Variants in NOP58 observed in about 807,000 individuals in gnomAD.
NOP58 encodes the protein NOP58 ribonucleoprotein.
Under a neutral mutation model 71.2 loss-of-function variants are expected in NOP58, and 44 were observed. That is an observed-to-expected ratio of 0.62 (90% confidence interval 0.49 to 0.79). The LOEUF is 0.79. Ranked by LOEUF, NOP58 falls within the 30% of genes least tolerant of loss-of-function variation. The pLI is 0.00. For missense variants in NOP58, 538 were observed against 620.2 expected (o/e 0.87, Z 1.41); for synonymous variants, 228 against 200.3 (o/e 1.14, Z -1.17).
intron 5 of NOP58, among the ~76,000 whole-genome samples, chr2:202,285,807 C>G (rs1688776180): frequency 1.3e-5 from 2 of 152,114 alleles, no homozygotes; most frequent in Non-Finnish European, 2.9e-5. Context: ...GGTAGTTGCT[C>G]AAAACCTGTG....
rs185886350 is a variant in NOP58 at position 202,276,478 on chromosome 2, T to A, written c.122+1289T>A. 64 of 516,234 alleles carry A rather than the reference T, an allele frequency of 1.2e-4. 1 individual carries two copies. The highest frequency in any genetic ancestry group is 1.1e-3 in the African/African-American group (59 of 52,042). 32.0% of individuals were successfully genotyped at this position (516,234 alleles called of 1,614,324 possible). A position where few individuals can be genotyped will look rare whatever the true frequency, so the allele number is the denominator to read the frequency against. On this transcript the variant is annotated intron_variant, in intron 2 of 14. Coordinates refer to ENST00000264279, the MANE Select transcript of NOP58 (RefSeq NM_015934.5). ...TCTTCTTGGAACTGAATCTAAGTGA[T>A]CTGACTCAATATTCGTCACTACCAC...
intron 3 of NOP58, among the ~76,000 whole-genome samples, chr2:202,278,540 C>T (rs1688643701): frequency 6.6e-6 from 1 of 152,174 alleles, no homozygotes; most frequent in Admixed American, 6.6e-5. Context: ...ATGGATGACT[C>T]ATACTCTTCA....
intron 5 of NOP58, among the ~76,000 whole-genome samples, chr2:202,286,018 T>G (rs1156520959): frequency 6.6e-6 from 1 of 151,492 alleles, no homozygotes; most frequent in African/African-American, 2.4e-5. Flanking sequence ...TCGTCTCTAC[T>G]AAAAATACAA....
chr2:202,291,339 AATG>A, intron 8 of NOP58, 69 bp downstream of exon 8: 1 of 1,231,992 alleles, frequency 8.1e-7, no homozygotes, highest in Non-Finnish European at 1.1e-6. Flanking sequence ...TTCTGATGGC[AATG>A]ATGATTTTTA....
chr2:202,297,993 A>T (rs1396721465), intron 12 of NOP58, 87 bp downstream of exon 12: 2 of 776,166 alleles, frequency 2.6e-6, no homozygotes, highest in Non-Finnish European at 4.0e-6. Context: ...CTTCACCTTG[A>T]TGTGCCCATA....
At chr2:202,280,957 C>T (rs950687660) in intron 3 of NOP58, among the ~76,000 whole-genome samples, 17 of 151,574 alleles carry the variant, frequency 1.1e-4, no homozygotes, top group East Asian at 1.9e-4. Context: ...CTCCTGACCT[C>T]GTGACCCGCT....
intron 1 of NOP58, among the ~76,000 whole-genome samples, chr2:202,267,323 G>T (rs554725955): frequency 1.6e-4 from 24 of 152,272 alleles, no homozygotes; most frequent in African/African-American, 5.5e-4. Context: ...CTGGATGGGT[G>T]CAGAGTTCTC....
chr2:202,286,181 C>CAAA (rs1008544993), intron 5 of NOP58, among the ~76,000 whole-genome samples: 2 of 45,614 alleles, frequency 4.4e-5, no homozygotes, highest in African/African-American at 8.1e-5. Context: ...GACTCCATCT[C>CAAA]AAAAAAAAAA....
intron 3 of NOP58, 172 bp downstream of exon 3, chr2:202,278,174 CCACTGAGACAA>C (rs775513495): frequency 2.8e-6 from 2 of 713,050 alleles, no homozygotes; most frequent in Non-Finnish European, 5.3e-6. Context: ...TTCGTCACTA[CCACTGAGACAA>C]CATTGAGTTA....
chr2:202,291,968 C>CTTTTTTTT lies in NOP58; in HGVS notation c.780+727_780+734dup, dbSNP rs869075798. Among the ~76,000 whole-genome samples, 34 of 43,960 alleles carry CTTTTTTTT rather than the reference C, an allele frequency of 7.7e-4. 11 individuals are homozygous for CTTTTTTTT. Among genetic ancestry groups the CTTTTTTTT allele is most frequent in the South Asian group, 1.7e-3 (2 of 1,200 alleles). 28.8% of individuals were successfully genotyped at this position (43,960 alleles called of 152,430 possible). A position where few individuals can be genotyped will look rare whatever the true frequency, so the allele number is the denominator to read the frequency against. ...GATACAAATGTTTATTGCTCAGAAT[C>CTTTTTTTT]TTTTTTTTTTTTTTTTTTTTTTTTT... On this transcript the variant is annotated intron_variant, in intron 8 of 14. Coordinates refer to ENST00000264279, the MANE Select transcript of NOP58 (RefSeq NM_015934.5).
chr2:202,274,070 C>T (rs1312537985), intron 1 of NOP58, among the ~76,000 whole-genome samples: 3 of 152,066 alleles, frequency 2.0e-5, no homozygotes, highest in African/African-American at 7.2e-5. Flanking sequence ...TTAAAGTACC[C>T]TATGTTTCTT....
chr2:202,273,958 A>AT (rs1553570891), intron 1 of NOP58, among the ~76,000 whole-genome samples: 3 of 151,914 alleles, frequency 2.0e-5, no homozygotes, highest in Non-Finnish European at 4.4e-5. Flanking sequence ...AAAAAAAAAA[A>AT]GCCATTTACT....
chr2:202,278,479 CA>C, intron 3 of NOP58: 1 of 338,254 alleles, frequency 3.0e-6, no homozygotes, highest in South Asian at 2.4e-5. Flanking sequence ...TATCAATATT[CA>C]GAGTTATACA....
At position 202,300,371 on chromosome 2, in the gene NOP58, A is replaced by G. The variant is rs1480523341; in HGVS notation, c.1402+4A>G. 2 of 1,577,056 alleles carry G rather than the reference A, an allele frequency of 1.3e-6. No homozygotes were observed. The highest frequency in any genetic ancestry group is 1.7e-6 in the Non-Finnish European group (2 of 1,168,586). The stretch of plus-strand genomic sequence containing the variant: ...AAAGCCAAGATTAAAGTTAAAGGTT[A>G]GTTTGAATTTTTTTTTTAACACAAC... On this transcript the variant is annotated splice_donor_region_variant and intron_variant, in intron 13 of 14. Transcript: ENST00000264279.
chr2:202,272,601 A>G (rs940078391), intron 1 of NOP58, among the ~76,000 whole-genome samples: 4 of 152,230 alleles, frequency 2.6e-5, no homozygotes, highest in African/African-American at 9.6e-5. Flanking sequence ...CTAACTTTGT[A>G]TATCATGAAG....
intron 1 of NOP58, 77 bp from the exon 2 acceptor site, chr2:202,275,036 A>G: frequency 1.5e-6 from 1 of 653,384 alleles, no homozygotes; most frequent in Non-Finnish European, 2.6e-6. Flanking sequence ...TTACATGTAA[A>G]ATTGTATTTG....
intron 2 of NOP58, among the ~76,000 whole-genome samples, chr2:202,275,865 C>T (rs1228440235): frequency 1.3e-5 from 2 of 152,104 alleles, no homozygotes; most frequent in African/African-American, 2.4e-5. Flanking sequence ...GACAGGGTTT[C>T]GCCATGTTGG....
intron 3 of NOP58, among the ~76,000 whole-genome samples, chr2:202,278,690 C>T (rs919809448): frequency 4.6e-5 from 7 of 152,164 alleles, no homozygotes; most frequent in Non-Finnish European, 8.8e-5. Context: ...AAATTTTCAA[C>T]TGCCTGAATT....
chr2:202,289,698 T>C (rs1362196953), intron 6 of NOP58, among the ~76,000 whole-genome samples: 1 of 152,118 alleles, frequency 6.6e-6, no homozygotes, highest in African/African-American at 2.4e-5. Flanking sequence ...CTAAGTGAAA[T>C]AGTCACAAAA....
Sources: gnomAD v4.1 joint callset for allele counts (sites outside exome capture counted in the v4.1 genomes callset) on GRCh38, gnomAD v4.1.1 for gene constraint, MANE v1.5 for transcripts, NCBI Gene and HGNC (gene_info 2026-07-23, HGNC 2026-07-21) for gene names.